Variants in NFASC observed in about 807,000 individuals in gnomAD.
NFASC encodes the protein neurofascin.
A neutral mutation model predicts 147.5 loss-of-function variants in NFASC; 43 were observed. That is an observed-to-expected ratio of 0.29 (90% CI 0.23 to 0.38). The LOEUF is 0.38. NFASC is among the 10% of genes least tolerant of loss of function. The pLI is 1.00. For missense variants in NFASC, 1,320 were observed against 1,689.0 expected, an observed-to-expected ratio of 0.78 and a Z score of 3.83; for synonymous variants, 622 against 665.5, an observed-to-expected ratio of 0.93 and a Z score of 1.01.
intron 1 of NFASC, among the ~76,000 whole-genome samples, chr1:204,887,552 T>A (rs923913776): frequency 6.6e-6 from 1 of 150,636 alleles, no homozygotes; most frequent in Non-Finnish European, 1.5e-5. Flanking sequence ...TATGTGGTAA[T>A]TCCATGTTTA....
At chr1:204,849,468 C>T (rs2075472650) in intron 1 of NFASC, among the ~76,000 whole-genome samples, 1 of 152,138 alleles carries the variant, frequency 6.6e-6, no homozygotes, top group Non-Finnish European at 1.5e-5. Context: ...CCTGCCCACA[C>T]AGTTTCTGAG....
At chr1:204,882,102 G>T (rs1221233430) in intron 1 of NFASC, among the ~76,000 whole-genome samples, 1 of 152,064 alleles carries the variant, frequency 6.6e-6, no homozygotes, top group Non-Finnish European at 1.5e-5. Flanking sequence ...CTCTCTCCCC[G>T]ACTGAAAGAC....
intron 21 of NFASC, chr1:204,983,957 C>T: frequency 3.8e-6 from 4 of 1,054,460 alleles, no homozygotes; most frequent in Non-Finnish European, 5.9e-6. Context: ...TACAGGCCAG[C>T]AGAGAACAAG....
At chr1:204,847,673 C>T (rs1558492925) in intron 1 of NFASC, among the ~76,000 whole-genome samples, 1 of 152,206 alleles carries the variant, frequency 6.6e-6, no homozygotes, top group Non-Finnish European at 1.5e-5. Context: ...TCCTGCCATT[C>T]CCCCTCCTCT....
intron 27 of NFASC, among the ~76,000 whole-genome samples, chr1:205,004,070 T>TGTCTA (rs1178185778): frequency 6.6e-6 from 1 of 152,266 alleles, no homozygotes; most frequent in Non-Finnish European, 1.5e-5. Flanking sequence ...GGCTGGACTC[T>TGTCTA]GTCTAGCTCA....
intron 1 of NFASC, among the ~76,000 whole-genome samples, chr1:204,834,715 G>A (rs927301097): frequency 1.3e-5 from 2 of 152,022 alleles, no homozygotes; most frequent in Non-Finnish European, 2.9e-5. Flanking sequence ...ACCTCTTACC[G>A]GGATCACAAT....
chr1:204,846,200 C>CAA (rs60005710), intron 1 of NFASC, among the ~76,000 whole-genome samples: 1,778 of 109,794 alleles, frequency 0.016, 40 homozygotes, highest in African/African-American at 0.05. Context: ...CCTGTCTATA[C>CAA]AAAAAAAAAA....
At position 205,016,381 on chromosome 1, in the gene NFASC, G is replaced by A. The variant is rs752712397; in HGVS notation, c.3565G>A (p.Asp1189Asn). Residue 1189 changes from aspartate to asparagine, a missense_variant, in exon 30 of 30, where the codon GAC (aspartate) becomes AAC (asparagine). Asp to Asn is a conservative substitution (Grantham distance 23). This residue lies in a region of NFASC where 167 missense variants were observed against 233.8 expected (regional missense o/e 0.71). Coordinates refer to ENST00000339876, the MANE Select transcript of NFASC (RefSeq NM_001005388.3). The surrounding 1 kb of genome is among the most constrained non-coding windows in gnomAD (Gnocchi z 5.1). ...CACCATCAAGCAGCAGGAGAGTGACGACAGCCTGGTGGACTATGGCGAGGG... is the reference window on the plus strand; with the variant it reads ...CACCATCAAGCAGCAGGAGAGTGACAACAGCCTGGTGGACTATGGCGAGGG... The part of the protein sequence containing the change: ...DGTIKQQESD[D>N]SLVDYGEGGE... 21 of 1,613,962 alleles carry A rather than the reference G, an allele frequency of 1.3e-5. No homozygotes were observed. The highest frequency in any genetic ancestry group is 1.7e-5 in the Admixed American group (1 of 59,992).
chr1:204,893,789 C>G (rs1321640898), intron 1 of NFASC, among the ~76,000 whole-genome samples: 1 of 152,216 alleles, frequency 6.6e-6, no homozygotes. Context: ...CCCTTTGCCT[C>G]TCTTATTCAG....
At chr1:204,893,358 T>A (rs2082762063) in intron 1 of NFASC, among the ~76,000 whole-genome samples, 1 of 152,194 alleles carries the variant, frequency 6.6e-6, no homozygotes. Flanking sequence ...GAGAAATCAA[T>A]ATGGGAGTCA....
chr1:204,926,823 C>T (rs572584182), intron 2 of NFASC, among the ~76,000 whole-genome samples: 11 of 152,084 alleles, frequency 7.2e-5, no homozygotes, highest in African/African-American at 2.4e-4. Flanking sequence ...CCTGTAATCC[C>T]AGCACTTTGG....
chr1:204,839,465 C>T (rs1558479824), intron 1 of NFASC, among the ~76,000 whole-genome samples: 1 of 151,844 alleles, frequency 6.6e-6, no homozygotes, highest in East Asian at 1.9e-4. Flanking sequence ...TCCAGAGCTG[C>T]GGGTGGGATG....
intron 1 of NFASC, among the ~76,000 whole-genome samples, chr1:204,910,913 A>G (rs2087290494): frequency 6.6e-6 from 1 of 152,094 alleles, no homozygotes; most frequent in African/African-American, 2.4e-5. Flanking sequence ...TTTGTGGCCT[A>G]TATGCATTTT....
rs779420027 is a variant in NFASC, at chr1:204,991,350, C to T, written c.2782+44C>T. The T allele has an allele frequency of 3.5e-5, 56 of 1,602,874 alleles. No individual in the cohort carries two copies. The South Asian group carries it at 4.2e-4, about 12-fold the overall frequency. On this transcript the variant is annotated intron_variant, in intron 24 of 29. Transcript: ENST00000339876. ...AGGTAATGGGCATGGCATGGGGCAG[C>T]GCAGGCGGAGCCCAGCCCAGCCAGG...
chr1:204,985,998 G>A (rs143685997), intron 21 of NFASC: 94 of 1,613,980 alleles, frequency 5.8e-5, no homozygotes, highest in African/African-American at 1.1e-4. Context: ...GACCGCCTCC[G>A]TGGCGTGGTG....
chr1:204,868,371 G>A (rs939891207), intron 1 of NFASC, among the ~76,000 whole-genome samples: 1 of 152,182 alleles, frequency 6.6e-6, no homozygotes, highest in Non-Finnish European at 1.5e-5. Context: ...GGAATCGGAG[G>A]AGCACGACCT....
At chr1:204,866,107 C>T (rs540336053) in intron 1 of NFASC, among the ~76,000 whole-genome samples, 39 of 152,332 alleles carry the variant, frequency 2.6e-4, no homozygotes, top group African/African-American at 7.9e-4. Flanking sequence ...TGGACTTTCT[C>T]CTAGCACTGG....
chr1:204,877,973 G>A lies in NFASC; in HGVS notation c.-199-42659G>A, dbSNP rs12044382. 0.02 allele frequency among the ~76,000 whole-genome samples: 2,973 copies of A among 152,202 alleles called. 157 individuals carry two copies. The East Asian group carries it at 0.21, about 11-fold the overall frequency. On this transcript the variant is annotated intron_variant, in intron 1 of 29. Transcript: ENST00000339876. ...ACTGCAGCCCTTGATGGGTACTTCC[G>A]GACCCAGGCTTCCCAGGCAATAGAG...
chr1:204,852,044 A>T (rs2075744552), intron 1 of NFASC, among the ~76,000 whole-genome samples: 1 of 152,216 alleles, frequency 6.6e-6, no homozygotes, highest in Non-Finnish European at 1.5e-5. Flanking sequence ...TAGAAACAGG[A>T]TTAGACACAG....
Sources: gnomAD v4.1 joint callset for allele counts (sites outside exome capture counted in the v4.1 genomes callset) on GRCh38, gnomAD v4.1.1 for gene constraint, gnomAD v4.1.1 regional missense constraint, Gnocchi (gnomAD v3.1) non-coding constraint, MANE v1.5 for transcripts, NCBI Gene and HGNC (gene_info 2026-07-23, HGNC 2026-07-21) for gene names.